ARFIP1: variants seen among roughly 807,000 people sequenced by gnomAD.
ARFIP1 encodes the protein arfaptin-1.
ARFIP1 carries 24 observed loss-of-function variants against 42.5 expected under a neutral mutation model. The observed-to-expected ratio is 0.57, with a 90% confidence interval of 0.41 to 0.80. ARFIP1 has a LOEUF of 0.80. ARFIP1 is among the 30% of genes least tolerant of loss of function. ARFIP1 has a pLI of 0.00. For synonymous variants in ARFIP1, 141 were observed against 153.7 expected (o/e 0.92, Z 0.61); for missense variants, 354 against 434.0 (o/e 0.82, Z 1.64).
At chr4:152,852,503 T>C (rs1202267306) in intron 2 of ARFIP1, among the ~76,000 whole-genome samples, 1 of 151,938 alleles carries the variant, frequency 6.6e-6, no homozygotes, top group Non-Finnish European at 1.5e-5. Context: ...TGTGGCAGCG[T>C]GTGCCTATAT....
At chr4:152,885,206 T>C (rs1420976862) in intron 7 of ARFIP1, among the ~76,000 whole-genome samples, 1 of 152,112 alleles carries the variant, frequency 6.6e-6, no homozygotes, top group Non-Finnish European at 1.5e-5. Flanking sequence ...TTTCCTTCTC[T>C]GTCAAAGCCA....
intron 8 of ARFIP1, among the ~76,000 whole-genome samples, chr4:152,900,371 T>C (rs1200011347): frequency 1.3e-5 from 2 of 152,234 alleles, no homozygotes; most frequent in Non-Finnish European, 2.9e-5. Context: ...TCATCAATTT[T>C]CTTCTCTTCA....
chr4:152,799,202 G>T (rs1343963718), intron 1 of ARFIP1, among the ~76,000 whole-genome samples: 2 of 143,312 alleles, frequency 1.4e-5, no homozygotes, highest in Non-Finnish European at 3.1e-5. Context: ...AGAATGGTTT[G>T]CCTGTTGTAA....
At chr4:152,856,733 G>A (rs1339368896) in intron 2 of ARFIP1, among the ~76,000 whole-genome samples, 1 of 152,070 alleles carries the variant, frequency 6.6e-6, no homozygotes, top group Non-Finnish European at 1.5e-5. Context: ...ATTTTGAGGG[G>A]TGTTTTGGTA....
rs144518708 is a variant in ARFIP1 at position 152,783,529 on chromosome 4, T to G, written c.-10+3303T>G. ...GGTGAAGAAAATAAAGCTGAATGAT[T>G]AACTGAAGCTAAAGTAGTCTGCTCA... On this transcript the variant is annotated intron_variant, in intron 1 of 8. Transcript: ENST00000353617. Among the ~76,000 whole-genome samples, 56 of 152,294 alleles carry G rather than the reference T, an allele frequency of 3.7e-4. No homozygotes were observed. The East Asian group carries it at 0.011, about 29-fold the overall frequency.
chr4:152,911,213 A>G lies in ARFIP1; in HGVS notation c.*994A>G, dbSNP rs11929781. ...CTGTTGGATAATGTTTGATGTGTCT[A>G]TTCCTTCCATGGAATGGAGCACTAT... On this transcript the variant is annotated 3_prime_UTR_variant, in exon 9 of 9. Transcript: ENST00000353617. The G allele has an allele frequency of 1.3e-3, 203 of 152,804 alleles. 1 individual carries two copies. Among genetic ancestry groups the G allele is most frequent in the African/African-American group, 4.4e-3 (184 of 41,592 alleles). The allele number at this position is 152,804 out of a possible 1,614,324, so 9.5% of individuals were successfully genotyped here. A position where few individuals can be genotyped will look rare whatever the true frequency, so the allele number is the denominator to read the frequency against.
intron 7 of ARFIP1, chr4:152,883,196 T>G (rs764885328): frequency 1.2e-5 from 3 of 249,416 alleles, no homozygotes; most frequent in Non-Finnish European, 2.3e-5. Context: ...CTTCATTGCC[T>G]TGAGATTATC....
intron 1 of ARFIP1, chr4:152,796,305 T>C: frequency 4.4e-6 from 4 of 909,032 alleles, no homozygotes. Context: ...ACATGGACTT[T>C]CTTGAAATGC....
chr4:152,853,045 G>A lies in ARFIP1; in HGVS notation c.94-10561G>A, dbSNP rs1276969944. On this transcript the variant is annotated intron_variant, in intron 2 of 8. Coordinates refer to ENST00000353617, the MANE Select transcript of ARFIP1 (RefSeq NM_001025595.3). The stretch of plus-strand genomic sequence containing the variant: ...CAGCAGACAGTAGGGAGGGATTTGA[G>A]TGACTGTAATGTCCTCAGCTACAGT... Among the ~76,000 whole-genome samples, 3 of 152,202 alleles carry A rather than the reference G, an allele frequency of 2.0e-5. No homozygotes were observed. In the East Asian group the frequency reaches 5.8e-4, roughly 29 times the overall value.
chr4:152,803,652 G>A (rs1728599581), intron 1 of ARFIP1, among the ~76,000 whole-genome samples: 1 of 152,010 alleles, frequency 6.6e-6, no homozygotes, highest in Non-Finnish European at 1.5e-5. Flanking sequence ...TCAACAACAG[G>A]CTTGTTATCC....
intron 1 of ARFIP1, among the ~76,000 whole-genome samples, chr4:152,781,394 G>A (rs1241180579): frequency 1.3e-5 from 2 of 151,866 alleles, no homozygotes; most frequent in African/African-American, 4.8e-5. Context: ...CGCCACTACC[G>A]CCTAGCTAAT....
chr4:152,845,409 A>C (rs535025219), intron 2 of ARFIP1, among the ~76,000 whole-genome samples: 1 of 152,330 alleles, frequency 6.6e-6, no homozygotes, highest in South Asian at 2.1e-4. Flanking sequence ...CAACACAGTA[A>C]ACAGACAGCC....
chr4:152,819,008 G>A (rs1472876883), intron 1 of ARFIP1, among the ~76,000 whole-genome samples: 1 of 152,164 alleles, frequency 6.6e-6, no homozygotes, highest in African/African-American at 2.4e-5. Flanking sequence ...GCCTGACCCA[G>A]CCCCCACCCA....
intron 1 of ARFIP1, among the ~76,000 whole-genome samples, chr4:152,785,670 A>G (rs976074163): frequency 4.6e-5 from 7 of 152,214 alleles, no homozygotes; most frequent in African/African-American, 1.4e-4. Context: ...TGTTTTTTCT[A>G]TTCCTCTAAT....
intron 8 of ARFIP1, among the ~76,000 whole-genome samples, chr4:152,902,409 G>A (rs1383354869): frequency 6.6e-6 from 1 of 152,180 alleles, no homozygotes; most frequent in African/African-American, 2.4e-5. Context: ...GGCTGAGGTA[G>A]GAGGATCACT....
intron 1 of ARFIP1, among the ~76,000 whole-genome samples, chr4:152,812,725 TAAAC>T (rs969332018): frequency 6.6e-6 from 1 of 152,212 alleles, no homozygotes; most frequent in Non-Finnish European, 1.5e-5. Context: ...CCAAGCCAAA[TAAAC>T]CTCTTGCTTT....
chr4:152,802,236 G>T (rs1318523066), intron 1 of ARFIP1, among the ~76,000 whole-genome samples: 1 of 152,158 alleles, frequency 6.6e-6, no homozygotes, highest in Non-Finnish European at 1.5e-5. Flanking sequence ...GATCTCTCTT[G>T]AGATGCATAA....
At chr4:152,819,044 C>T (rs569747641) in intron 1 of ARFIP1, among the ~76,000 whole-genome samples, 3 of 152,238 alleles carry the variant, frequency 2.0e-5, no homozygotes, top group East Asian at 1.9e-4. Flanking sequence ...TTGCCCTGGT[C>T]GTGTAACACA....
chr4:152,787,380 T>G (rs537422365), intron 1 of ARFIP1, among the ~76,000 whole-genome samples: 10 of 152,318 alleles, frequency 6.6e-5, no homozygotes, highest in Admixed American at 2.0e-4. Flanking sequence ...CAACTTTATG[T>G]GATGAATCAA....
Sources: allele counts gnomAD v4.1 joint callset (sites outside exome capture counted in the v4.1 genomes callset), GRCh38; gene constraint gnomAD v4.1.1; transcripts MANE v1.5; gene names NCBI Gene and HGNC (gene_info 2026-07-23, HGNC 2026-07-21).